The following STXBP3 variants were observed in gnomAD, a reference collection of about 807,000 sequenced individuals.
STXBP3 encodes syntaxin binding protein 3, also known as syntaxin-binding protein 3.
Under a neutral mutation model 85.7 loss-of-function variants are expected in STXBP3, and 41 were observed. The ratio of observed to expected loss-of-function variants is 0.48; its 90% CI spans 0.37 to 0.62. The LOEUF (loss-of-function observed/expected upper bound fraction) is 0.62. Ranked by LOEUF, STXBP3 falls within the 20% of genes least tolerant of loss-of-function variation. The pLI is 0.00. For missense variants in STXBP3, 563 were observed against 703.1 expected, an observed-to-expected ratio of 0.80 and a Z score of 2.25; for synonymous variants, 229 against 231.7, an observed-to-expected ratio of 0.99 and a Z score of 0.10.
intron 11 of STXBP3, among the ~76,000 whole-genome samples, chr1:108,785,641 G>A (rs1189025651): frequency 1.3e-5 from 2 of 152,060 alleles, no homozygotes; most frequent in African/African-American, 2.4e-5. Context: ...TTTCTCCCCC[G>A]AAAATGGGTT....
intron 8 of STXBP3, 52 bp downstream of exon 8, chr1:108,776,475 T>G: frequency 7.2e-7 from 1 of 1,387,118 alleles, no homozygotes; most frequent in Non-Finnish European, 9.9e-7. Context: ...TCTTATTTCT[T>G]TATAAGCCAA....
intron 13 of STXBP3, among the ~76,000 whole-genome samples, chr1:108,795,503 A>G (rs77936175): frequency 6.6e-6 from 1 of 151,798 alleles, no homozygotes. Flanking sequence ...AAAAAAAAAA[A>G]GAAAAAAAAA....
At chr1:108,748,491 C>T (rs1661839506) in intron 1 of STXBP3, among the ~76,000 whole-genome samples, 2 of 151,954 alleles carry the variant, frequency 1.3e-5, no homozygotes, top group South Asian at 4.2e-4. Flanking sequence ...CACCGCACTC[C>T]AGCCTGGGTG....
chr1:108,746,767 A>G lies in STXBP3; in HGVS notation c.30A>G (p.Leu10=). The G allele has an allele frequency of 1.3e-6, 2 of 1,550,272 alleles. No homozygotes were observed. Among genetic ancestry groups the G allele is most frequent in the Non-Finnish European group, 1.7e-6 (2 of 1,146,452 alleles). Residue 10 remains leucine, a synonymous_variant, in exon 1 of 19, where the codon CTA becomes CTG. Coordinates refer to ENST00000370008, the MANE Select transcript of STXBP3 (RefSeq NM_007269.4). ...CGCCGCCGGTGGCAGAGAGGGGGCT[A>G]AAGAGCGTCGTGTGGCAGAGTGAGT... is the stretch of plus-strand genomic sequence containing the variant. MAPPVAERG[L]KSVVWQKIKA... is the part of the protein sequence containing the mutation.
intron 17 of STXBP3, among the ~76,000 whole-genome samples, chr1:108,806,201 T>C (rs905746149): frequency 3.9e-5 from 6 of 152,180 alleles, no homozygotes; most frequent in Admixed American, 1.3e-4. Flanking sequence ...AGAGCAGTGC[T>C]AGCCAATAGA....
At chr1:108,798,891 A>G (rs1166074917) in intron 16 of STXBP3, among the ~76,000 whole-genome samples, 3 of 152,256 alleles carry the variant, frequency 2.0e-5, no homozygotes, top group Admixed American at 2.0e-4. Context: ...GTGGACCACT[A>G]TTAAAAAGTA....
chr1:108,753,206 A>G (rs1661942129), intron 3 of STXBP3, 62 bp downstream of exon 3: 5 of 1,215,690 alleles, frequency 4.1e-6, no homozygotes, highest in Non-Finnish European at 5.6e-6. Context: ...TGAGGTATTA[A>G]ATTTTAGTTA....
At chr1:108,778,477 G>C (rs1489454611) in intron 8 of STXBP3, among the ~76,000 whole-genome samples, 1 of 152,152 alleles carries the variant, frequency 6.6e-6, no homozygotes, top group African/African-American at 2.4e-5. Flanking sequence ...AGATGTTGGA[G>C]CAAACCTGCA....
intron 1 of STXBP3, among the ~76,000 whole-genome samples, chr1:108,750,719 A>G (rs571001985): frequency 3.9e-5 from 6 of 152,278 alleles, no homozygotes; most frequent in Non-Finnish European, 2.9e-5. Context: ...TCAGTCTCAC[A>G]ATACTGCCTT....
intron 13 of STXBP3, among the ~76,000 whole-genome samples, chr1:108,795,870 T>C (rs1434006478): frequency 6.6e-6 from 1 of 152,228 alleles, no homozygotes; most frequent in Non-Finnish European, 1.5e-5. Flanking sequence ...GTGTGTTTGT[T>C]TTTTGTTTTT....
chr1:108,789,802 G>A (rs1336542815), intron 11 of STXBP3, among the ~76,000 whole-genome samples: 6 of 151,952 alleles, frequency 3.9e-5, no homozygotes, highest in South Asian at 2.1e-4. Context: ...ATGGTGGCTC[G>A]TGCCTGTAAT....
chr1:108,802,226 A>G (rs12143539), intron 17 of STXBP3, among the ~76,000 whole-genome samples: 5 of 151,900 alleles, frequency 3.3e-5, no homozygotes, highest in African/African-American at 1.2e-4. Flanking sequence ...GTGAAACCCC[A>G]TCTCTACTAA....
At chr1:108,793,695 C>T (rs1268371556) in intron 12 of STXBP3, 48 bp downstream of exon 12, 1 of 1,497,670 alleles carries the variant, frequency 6.7e-7, no homozygotes. Context: ...AGTTTATATT[C>T]AGTTTATATT....
At chr1:108,749,624 T>C (rs1476193889) in intron 1 of STXBP3, among the ~76,000 whole-genome samples, 1 of 152,246 alleles carries the variant, frequency 6.6e-6, no homozygotes, top group Admixed American at 6.5e-5. Flanking sequence ...TTTGTTGATA[T>C]GATTTCCTTT....
At chr1:108,787,033 T>A (rs11806985) in intron 11 of STXBP3, among the ~76,000 whole-genome samples, 6 of 152,340 alleles carry the variant, frequency 3.9e-5, no homozygotes, top group Non-Finnish European at 8.8e-5. Context: ...TGGTATTTTT[T>A]AAATTCCATT....
chr1:108,798,277 T>A (rs1663156354), intron 16 of STXBP3, 40 bp downstream of exon 16: 1 of 1,493,022 alleles, frequency 6.7e-7, no homozygotes, highest in African/African-American at 1.4e-5. Flanking sequence ...CTGAGTGCCC[T>A]CTTTAGAGTA....
intron 6 of STXBP3, among the ~76,000 whole-genome samples, chr1:108,771,663 TC>T (rs1662431204): frequency 1.6e-4 from 1 of 6,212 alleles, no homozygotes; most frequent in Non-Finnish European, 3.9e-4. Flanking sequence ...TCTATATATA[TC>T]ATATATAAAT....
At chr1:108,805,497 T>TCA (rs1369231457) in intron 17 of STXBP3, among the ~76,000 whole-genome samples, 1 of 149,474 alleles carries the variant, frequency 6.7e-6, no homozygotes, top group Admixed American at 6.8e-5. Flanking sequence ...TGATCTTGGC[T>TCA]CACTGCAACC....
chr1:108,771,531 C>CTA (rs1367712445), intron 6 of STXBP3, among the ~76,000 whole-genome samples: 1 of 23,552 alleles, frequency 4.2e-5, no homozygotes, highest in African/African-American at 2.8e-4. Flanking sequence ...TGATATATAT[C>CTA]TATATATATC....
Sources: gnomAD v4.1 joint callset for allele counts (sites outside exome capture counted in the v4.1 genomes callset) on GRCh38, gnomAD v4.1.1 for gene constraint, MANE v1.5 for transcripts, NCBI Gene and HGNC (gene_info 2026-07-23, HGNC 2026-07-21) for gene names.